The following STX8 variants were observed in gnomAD, a reference collection of about 807,000 sequenced individuals.
STX8 encodes syntaxin 8.
STX8 carries 23 observed loss-of-function variants against 37.5 expected under a neutral mutation model. That is an observed-to-expected ratio of 0.61 (90% CI 0.44 to 0.87). The LOEUF (loss-of-function observed/expected upper bound fraction) is 0.87, where lower values mean the gene tolerates loss of function less well. Among genes scored for constraint, STX8 ranks in the 40% least tolerant of loss-of-function variants. The pLI is 0.00. For synonymous variants in STX8, 115 were observed against 99.1 expected (o/e 1.16, Z -0.95); for missense variants, 313 against 284.7 (o/e 1.10, Z -0.71).
rs1409408759 is a variant in STX8, at chr17:9,546,835, G to T, written c.213-1553C>A. Among the ~76,000 whole-genome samples the T allele has an allele frequency of 3.3e-5, 5 of 151,078 alleles. No homozygotes were observed. The East Asian group carries it at 1.0e-3, about 30-fold the overall frequency. On this transcript the variant is annotated intron_variant, in intron 3 of 7. Coordinates refer to ENST00000306357, the MANE Select transcript of STX8 (RefSeq NM_004853.3). Reference sequence around the variant, plus strand: ...GATGGTCTCGATCTCTTGACCTCATGATCCGTTCACCTCAGCCTCCCAAAG... The same window carrying T: ...GATGGTCTCGATCTCTTGACCTCATTATCCGTTCACCTCAGCCTCCCAAAG...
chr17:9,323,524 G>T (rs1349039338), intron 7 of STX8, among the ~76,000 whole-genome samples: 1 of 152,118 alleles, frequency 6.6e-6, no homozygotes, highest in African/African-American at 2.4e-5. Context: ...AAACAGAAAA[G>T]GAGACAGAGA....
chr17:9,330,863 C>T (rs777712237), intron 7 of STX8, among the ~76,000 whole-genome samples: 2 of 152,264 alleles, frequency 1.3e-5, no homozygotes, highest in East Asian at 1.9e-4. Flanking sequence ...AGACAGATCC[C>T]GCTTACATCT....
chr17:9,388,410 T>C (rs1018094380), intron 6 of STX8, among the ~76,000 whole-genome samples: 10 of 151,976 alleles, frequency 6.6e-5, no homozygotes, highest in African/African-American at 1.9e-4. Flanking sequence ...AATTATTCAA[T>C]AGCAGTTTAT....
At position 9,453,487 on chromosome 17, in the gene STX8, CTTTTT is replaced by C. The variant is rs1168841037; in HGVS notation, c.541+38337_541+38341del. On this transcript the variant is annotated intron_variant, in intron 6 of 7. Coordinates refer to ENST00000306357, the MANE Select transcript of STX8 (RefSeq NM_004853.3). ...CTTTATACCTCCTGTCACTACTCAT[CTTTTT>C]TTTTTTTTTTTTTTTTTTGAGATGG... is the stretch of plus-strand genomic sequence containing the variant. 4.4e-3 allele frequency among the ~76,000 whole-genome samples: 491 copies of C among 112,224 alleles called. 1 individual carries two copies. The highest frequency in any genetic ancestry group is 0.012 in the African/African-American group (321 of 27,906). The allele number at this position is 112,224 out of a possible 152,430, so 73.6% of individuals were successfully genotyped here.
chr17:9,569,567 G>T (rs150475136), intron 1 of STX8: 1 of 152,570 alleles, frequency 6.6e-6, no homozygotes, highest in Admixed American at 6.5e-5. Flanking sequence ...CAGCAGCGTT[G>T]GAGGCTTTGA....
At chr17:9,519,592 T>C (rs998727251) in intron 4 of STX8, among the ~76,000 whole-genome samples, 2 of 152,112 alleles carry the variant, frequency 1.3e-5, no homozygotes, top group East Asian at 3.8e-4. Context: ...TTATTGTTCT[T>C]AAAACAGAGA....
chr17:9,480,346 C>T (rs1906274685), intron 6 of STX8, among the ~76,000 whole-genome samples: 1 of 152,094 alleles, frequency 6.6e-6, no homozygotes, highest in African/African-American at 2.4e-5. Context: ...GGAAAAATAC[C>T]TTACTATGTT....
chr17:9,507,089 A>G lies in STX8; in HGVS notation c.324-1927T>C, dbSNP rs947088788. 6.6e-6 allele frequency among the ~76,000 whole-genome samples: 1 copy of G among 151,656 alleles called. No individual in the cohort carries two copies. The highest frequency in any genetic ancestry group is 2.4e-5 in the African/African-American group (1 of 41,224). On this transcript the variant is annotated intron_variant, in intron 4 of 7. Coordinates refer to ENST00000306357, the MANE Select transcript of STX8 (RefSeq NM_004853.3). The surrounding 1 kb of genome is among the most constrained non-coding windows in gnomAD (Gnocchi z 4.0). The stretch of plus-strand genomic sequence containing the variant: ...TCTTGAGCCAACCAAACTGCTGCAT[A>G]CCCTCCTGCAAGCAGAAGGCCCTGA...
intron 2 of STX8, among the ~76,000 whole-genome samples, chr17:9,564,752 G>A (rs1342434445): frequency 1.3e-5 from 2 of 152,148 alleles, no homozygotes; most frequent in East Asian, 3.8e-4. Flanking sequence ...ACAGCAAGAA[G>A]CAATATCGTT....
chr17:9,544,692 C>T (rs1217533536), intron 4 of STX8, among the ~76,000 whole-genome samples: 1 of 152,018 alleles, frequency 6.6e-6, no homozygotes, highest in Non-Finnish European at 1.5e-5. Context: ...TTACTAAACC[C>T]AGAAAATTAA....
At chr17:9,429,509 C>T (rs982479610) in intron 6 of STX8, among the ~76,000 whole-genome samples, 5 of 143,158 alleles carry the variant, frequency 3.5e-5, no homozygotes, top group African/African-American at 7.7e-5. Context: ...CAAGACCATC[C>T]TGGCTAACAC....
At chr17:9,255,295 G>A (rs189529054) in intron 7 of STX8, among the ~76,000 whole-genome samples, 2,286 of 113,732 alleles carry the variant, frequency 0.02, 36 homozygotes, top group Non-Finnish European at 0.03. Context: ...GGGAGGCCAA[G>A]GCGGGCGGAT....
intron 4 of STX8, among the ~76,000 whole-genome samples, chr17:9,511,501 C>CTATT (rs1231594472): frequency 1.1e-4 from 16 of 152,016 alleles, no homozygotes; most frequent in Middle Eastern, 6.8e-3. Context: ...AGGACAAAAC[C>CTATT]CACATGATAA....
At chr17:9,511,675 T>C (rs771004428) in intron 4 of STX8, among the ~76,000 whole-genome samples, 1 of 152,100 alleles carries the variant, frequency 6.6e-6, no homozygotes, top group Non-Finnish European at 1.5e-5. Context: ...CTCTGAGAAC[T>C]AGAAGACAAG....
At chr17:9,370,643 T>C (rs1911374039) in intron 7 of STX8, among the ~76,000 whole-genome samples, 1 of 152,174 alleles carries the variant, frequency 6.6e-6, no homozygotes, top group Non-Finnish European at 1.5e-5. Context: ...TAAACGTGCT[T>C]AGACAACATT....
intron 6 of STX8, among the ~76,000 whole-genome samples, chr17:9,412,679 A>G (rs9896683): frequency 0.13 from 20,072 of 152,192 alleles, 4,163 homozygotes; most frequent in African/African-American, 0.44. Context: ...CAGGCTCTCC[A>G]TCCTATGCCA....
intron 6 of STX8, among the ~76,000 whole-genome samples, chr17:9,409,732 G>A (rs1912919676): frequency 6.6e-6 from 1 of 152,126 alleles, no homozygotes; most frequent in African/African-American, 2.4e-5. Context: ...GTCGTGTTTT[G>A]AATATCCTTT....
chr17:9,450,270 T>A (rs2142401068), intron 6 of STX8, among the ~76,000 whole-genome samples: 1 of 151,460 alleles, frequency 6.6e-6, no homozygotes, highest in East Asian at 1.9e-4. Flanking sequence ...GAGATGGGGT[T>A]TCACCATGTT....
At chr17:9,544,187 G>A (rs1162168756) in intron 4 of STX8, among the ~76,000 whole-genome samples, 1 of 152,180 alleles carries the variant, frequency 6.6e-6, no homozygotes, top group Non-Finnish European at 1.5e-5. Flanking sequence ...ATCAACCCTA[G>A]CGTGGAAGAT....
Sources: gnomAD v4.1 joint callset for allele counts (sites outside exome capture counted in the v4.1 genomes callset) on GRCh38, gnomAD v4.1.1 for gene constraint, Gnocchi (gnomAD v3.1) non-coding constraint, MANE v1.5 for transcripts, NCBI Gene and HGNC (gene_info 2026-07-23, HGNC 2026-07-21) for gene names.